The following PHYHIPL variants were observed in gnomAD, a reference collection of about 807,000 sequenced individuals.
The protein encoded by PHYHIPL is phytanoyl-CoA 2-hydroxylase interacting protein like, also known as phytanoyl-CoA hydroxylase-interacting protein-like.
A neutral mutation model predicts 33.4 loss-of-function variants in PHYHIPL; 9 were observed. The observed-to-expected ratio is 0.27, with a 90% CI of 0.16 to 0.47. PHYHIPL has a LOEUF of 0.47. Among genes scored for constraint, PHYHIPL ranks in the 20% least tolerant of loss-of-function variants. The pLI, the probability that PHYHIPL is intolerant of heterozygous loss-of-function variation, is 0.99. For synonymous variants in PHYHIPL, 153 were observed against 154.1 expected, an observed-to-expected ratio of 0.99 and a Z score of 0.05; for missense variants, 365 against 460.7, an observed-to-expected ratio of 0.79 and a Z score of 1.90.
At chr10:59,203,992 G>C (rs1327438601) in intron 1 of PHYHIPL, among the ~76,000 whole-genome samples, 1 of 152,090 alleles carries the variant, frequency 6.6e-6, no homozygotes, top group Admixed American at 6.6e-5. Flanking sequence ...CCGTTTACTA[G>C]AAAGGGAGTA....
intron 1 of PHYHIPL, among the ~76,000 whole-genome samples, chr10:59,200,794 A>G (rs1385291139): frequency 6.6e-6 from 1 of 152,074 alleles, no homozygotes; most frequent in African/African-American, 2.4e-5. Context: ...CGGAGGGTGT[A>G]TGTGTCGAAG....
intron 1 of PHYHIPL, among the ~76,000 whole-genome samples, chr10:59,220,430 T>G (rs1839737527): frequency 6.6e-6 from 1 of 152,092 alleles, no homozygotes; most frequent in South Asian, 2.1e-4. Flanking sequence ...CATTTTGTCT[T>G]CTTGCAGGGA....
chr10:59,231,987 A>G (rs1396044171), intron 1 of PHYHIPL, among the ~76,000 whole-genome samples: 1 of 152,056 alleles, frequency 6.6e-6, no homozygotes, highest in Non-Finnish European at 1.5e-5. Flanking sequence ...AGGAAACAAA[A>G]CTGAAATTAC....
At chr10:59,207,431 C>T (rs1429921021) in intron 1 of PHYHIPL, among the ~76,000 whole-genome samples, 2 of 152,200 alleles carry the variant, frequency 1.3e-5, no homozygotes, top group African/African-American at 2.4e-5. Context: ...CTTCGCAACC[C>T]GCAAACCAGG....
At chr10:59,216,311 G>T (rs545072272) in intron 1 of PHYHIPL, among the ~76,000 whole-genome samples, 1 of 152,224 alleles carries the variant, frequency 6.6e-6, no homozygotes, top group South Asian at 2.1e-4. Context: ...ATTGTACAAA[G>T]TTCAGTGCTT....
intron 1 of PHYHIPL, among the ~76,000 whole-genome samples, chr10:59,189,015 A>T (rs1320825188): frequency 6.6e-6 from 1 of 152,128 alleles, no homozygotes; most frequent in Non-Finnish European, 1.5e-5. Context: ...GATATGTTTT[A>T]AAAAGTGTCA....
chr10:59,240,192 A>G (rs1280873720), intron 4 of PHYHIPL, among the ~76,000 whole-genome samples: 1 of 152,044 alleles, frequency 6.6e-6, no homozygotes, highest in Non-Finnish European at 1.5e-5. Context: ...TTCCTGGTAG[A>G]TACCATTCAC....
At chr10:59,227,868 G>A (rs1433830864) in intron 1 of PHYHIPL, among the ~76,000 whole-genome samples, 1 of 151,618 alleles carries the variant, frequency 6.6e-6, no homozygotes, top group Non-Finnish European at 1.5e-5. Context: ...ATGTTTTACA[G>A]GTTTTGATCT....
chr10:59,186,514 T>C (rs1353313872), intron 1 of PHYHIPL, among the ~76,000 whole-genome samples: 2 of 152,306 alleles, frequency 1.3e-5, no homozygotes, highest in Middle Eastern at 3.4e-3. Flanking sequence ...AAGTCATTGG[T>C]AGCTTGATGG....
At chr10:59,239,492 A>G (rs1265269977) in intron 4 of PHYHIPL, among the ~76,000 whole-genome samples, 1 of 152,048 alleles carries the variant, frequency 6.6e-6, no homozygotes, top group Non-Finnish European at 1.5e-5. Flanking sequence ...GTTACAATTC[A>G]AGATGAGATT....
At chr10:59,185,533 T>A (rs2133187810) in intron 1 of PHYHIPL, among the ~76,000 whole-genome samples, 1 of 152,302 alleles carries the variant, frequency 6.6e-6, no homozygotes, top group East Asian at 1.9e-4. Flanking sequence ...CCCTGAGGAA[T>A]CGCCACACTG....
chr10:59,229,628 CAG>C (rs1417251363), intron 1 of PHYHIPL, among the ~76,000 whole-genome samples: 1 of 151,990 alleles, frequency 6.6e-6, no homozygotes, highest in African/African-American at 2.4e-5. Context: ...ACAGCAGATT[CAG>C]AGAGTCTCCA....
At position 59,238,570 on chromosome 10, in the gene PHYHIPL, T is replaced by C. The variant is rs1373971574; in HGVS notation, c.479-18T>C. 2 of 1,437,952 alleles carry C rather than the reference T, an allele frequency of 1.4e-6. No individual in the cohort carries two copies. The highest frequency in any genetic ancestry group is 2.0e-6 in the Non-Finnish European group (2 of 1,023,700). 89.1% of individuals were successfully genotyped at this position (1,437,952 alleles called of 1,614,324 possible). A position where few individuals can be genotyped will look rare whatever the true frequency, so the allele number is the denominator to read the frequency against. On this transcript the variant is annotated intron_variant, in intron 3 of 4. Transcript: ENST00000373880. Reference sequence around the variant, plus strand: ...TGGTGCAATATTTTTAATAACAGACTTTTTGGGTTTTTTCCAGACTATTCA... The same window carrying C: ...TGGTGCAATATTTTTAATAACAGACCTTTTGGGTTTTTTCCAGACTATTCA...
At chr10:59,235,438 A>G (rs1372928733) in intron 2 of PHYHIPL, among the ~76,000 whole-genome samples, 1 of 151,854 alleles carries the variant, frequency 6.6e-6, no homozygotes, top group Non-Finnish European at 1.5e-5. Flanking sequence ...TAATATTGAT[A>G]TTAAGTTTTA....
In PHYHIPL at chr10:59,246,311, C is replaced by A. The variant is rs1212344113; in HGVS notation, c.*720C>A. 5.4e-6 allele frequency: 1 copy of A among 184,764 alleles called. No homozygotes were observed. The highest frequency in any genetic ancestry group is 1.1e-5 in the Non-Finnish European group (1 of 89,780). 11.4% of individuals were successfully genotyped at this position (184,764 alleles called of 1,614,324 possible). A position where few individuals can be genotyped will look rare whatever the true frequency, so the allele number is the denominator to read the frequency against. ...CTGTCCTGTTAGAAGTAGATGACTT[C>A]AATTAAACAAATTTATGAAGGACAT... On this transcript the variant is annotated 3_prime_UTR_variant, in exon 5 of 5. Coordinates refer to ENST00000373880, the MANE Select transcript of PHYHIPL (RefSeq NM_032439.4).
chr10:59,223,134 A>G (rs756218465), intron 1 of PHYHIPL, among the ~76,000 whole-genome samples: 1 of 152,224 alleles, frequency 6.6e-6, no homozygotes, highest in Non-Finnish European at 1.5e-5. Context: ...TATTAGCATA[A>G]TGGAGGTATG....
chr10:59,236,660 A>G lies in PHYHIPL; in HGVS notation c.478+3A>G. The G allele has an allele frequency of 6.3e-7, 1 of 1,593,724 alleles. No individual in the cohort carries two copies. Among genetic ancestry groups the G allele is most frequent in the Non-Finnish European group, 8.5e-7 (1 of 1,169,950 alleles). The stretch of plus-strand genomic sequence containing the variant: ...AATTATAGAATTCTGCACCGCAGGT[A>G]AGAGAACTAGGTACAAATATAGAAA... On this transcript the variant is annotated splice_donor_region_variant and intron_variant, in intron 3 of 4. Coordinates refer to ENST00000373880, the MANE Select transcript of PHYHIPL (RefSeq NM_032439.4).
chr10:59,223,935 C>T (rs1350594001), intron 1 of PHYHIPL, among the ~76,000 whole-genome samples: 1 of 152,178 alleles, frequency 6.6e-6, no homozygotes, highest in East Asian at 1.9e-4. Flanking sequence ...GTTGGGATTA[C>T]AGGCATGATC....
intron 1 of PHYHIPL, among the ~76,000 whole-genome samples, chr10:59,184,586 AT>A (rs1838512396): frequency 6.6e-6 from 1 of 151,706 alleles, no homozygotes; most frequent in Non-Finnish European, 1.5e-5. Flanking sequence ...GTGGTCCCCT[AT>A]ACCATTGCAT....
Sources: allele counts gnomAD v4.1 joint callset (sites outside exome capture counted in the v4.1 genomes callset), GRCh38; gene constraint gnomAD v4.1.1; transcripts MANE v1.5; gene names NCBI Gene and HGNC (gene_info 2026-07-23, HGNC 2026-07-21).